Variants in MCTP1 observed in about 807,000 individuals in gnomAD.
MCTP1 encodes the protein multiple C2 and transmembrane domain-containing protein 1.
Under a neutral mutation model 120.6 loss-of-function variants are expected in MCTP1, and 69 were observed. The ratio of observed to expected loss-of-function variants is 0.57; its 90% confidence interval spans 0.47 to 0.70. The LOEUF (loss-of-function observed/expected upper bound fraction) is 0.70. Ranked by LOEUF, MCTP1 falls within the 30% of genes least tolerant of loss-of-function variation. The pLI is 0.00. For synonymous variants in MCTP1, 529 were observed against 493.1 expected (o/e 1.07, Z -0.96); for missense variants, 1,203 against 1,248.8 (o/e 0.96, Z 0.55).
chr5:95,271,854 C>T (rs971839271), intron 1 of MCTP1, among the ~76,000 whole-genome samples: 15 of 151,850 alleles, frequency 9.9e-5, no homozygotes, highest in Admixed American at 9.8e-4. Context: ...TATTCATTTC[C>T]TTTGTAGAAC....
At chr5:95,109,896 T>G (rs891309500) in intron 1 of MCTP1, among the ~76,000 whole-genome samples, 1 of 136,762 alleles carries the variant, frequency 7.3e-6, no homozygotes, top group African/African-American at 2.5e-5. Context: ...TATGCAAAAC[T>G]TTTTTTTAAA....
At chr5:95,268,075 C>A (rs1386978875) in intron 1 of MCTP1, among the ~76,000 whole-genome samples, 1 of 152,250 alleles carries the variant, frequency 6.6e-6, no homozygotes, top group African/African-American at 2.4e-5. Context: ...GACTTCTTAT[C>A]ATACAATTCA....
At chr5:95,001,148 T>C (rs970691294) in intron 2 of MCTP1, among the ~76,000 whole-genome samples, 23 of 152,358 alleles carry the variant, frequency 1.5e-4, no homozygotes, top group African/African-American at 4.8e-4. Context: ...CCTTGTGCCA[T>C]GATTGTACGT....
At chr5:95,200,047 G>C (rs181794560) in intron 1 of MCTP1, among the ~76,000 whole-genome samples, 3 of 151,934 alleles carry the variant, frequency 2.0e-5, no homozygotes, top group Non-Finnish European at 1.5e-5. Context: ...TGCAATCGCA[G>C]CTACTTGGGA....
intron 2 of MCTP1, among the ~76,000 whole-genome samples, chr5:95,001,730 G>A (rs1833737416): frequency 6.6e-6 from 1 of 152,194 alleles, no homozygotes; most frequent in African/African-American, 2.4e-5. Context: ...AGAAAGCAGA[G>A]CATAAAAGTT....
intron 1 of MCTP1, among the ~76,000 whole-genome samples, chr5:95,047,248 C>T (rs1242221030): frequency 6.6e-6 from 1 of 152,150 alleles, no homozygotes; most frequent in East Asian, 1.9e-4. Flanking sequence ...AGAGCCTCTA[C>T]CACTATGGCC....
intron 1 of MCTP1, among the ~76,000 whole-genome samples, chr5:95,150,570 A>G (rs1562185051): frequency 6.6e-6 from 1 of 152,216 alleles, no homozygotes; most frequent in Non-Finnish European, 1.5e-5. Context: ...ACAACAAAAA[A>G]TCCAGTTTAT....
chr5:95,041,773 C>T (rs1171928980), intron 1 of MCTP1, among the ~76,000 whole-genome samples: 1 of 152,080 alleles, frequency 6.6e-6, no homozygotes, highest in Non-Finnish European at 1.5e-5. Flanking sequence ...TTTCTCCATC[C>T]CAGAAGTTGT....
At chr5:95,250,066 T>C (rs1757230252) in intron 1 of MCTP1, among the ~76,000 whole-genome samples, 1 of 151,946 alleles carries the variant, frequency 6.6e-6, no homozygotes, top group Non-Finnish European at 1.5e-5. Flanking sequence ...AAATGACGAG[T>C]TGATGGGTAC....
At chr5:95,133,438 G>A (rs1397619059) in intron 1 of MCTP1, among the ~76,000 whole-genome samples, 8 of 152,210 alleles carry the variant, frequency 5.3e-5, no homozygotes, top group Admixed American at 2.0e-4. Flanking sequence ...TTGGGAGGCC[G>A]AGGTCAGGAG....
At chr5:94,784,931 A>G (rs1004082332) in intron 18 of MCTP1, 6 of 152,136 alleles carry the variant, frequency 3.9e-5, no homozygotes, top group Admixed American at 3.3e-4. Context: ...GTTGTAATTT[A>G]GTCTGATTCT....
At chr5:94,762,057 AAAG>A (rs1315305930) in intron 19 of MCTP1, among the ~76,000 whole-genome samples, 1 of 152,224 alleles carries the variant, frequency 6.6e-6, no homozygotes, top group Non-Finnish European at 1.5e-5. Context: ...GAGATTCAGG[AAAG>A]AAGTGCCCCA....
chr5:95,192,652 T>G (rs1386071023), intron 1 of MCTP1, among the ~76,000 whole-genome samples: 2 of 152,224 alleles, frequency 1.3e-5, no homozygotes, highest in East Asian at 3.9e-4. Flanking sequence ...TACTTTTATA[T>G]GTCTTGAAAA....
intron 1 of MCTP1, among the ~76,000 whole-genome samples, chr5:95,182,752 G>A (rs1210543115): frequency 1.3e-5 from 2 of 152,124 alleles, no homozygotes; most frequent in East Asian, 3.9e-4. Context: ...GGGGACTCAT[G>A]TTAACTGGCT....
intron 2 of MCTP1, 61 bp from the exon 3 acceptor site, chr5:94,953,422 C>A: frequency 1.5e-6 from 2 of 1,339,824 alleles, no homozygotes; most frequent in Non-Finnish European, 2.0e-6. Context: ...AAGAGAACCA[C>A]TCTTTTGAAA....
rs1754030534 is a variant in MCTP1 at position 94,704,123 on chromosome 5, T to A, written c.*3373A>T. 6.7e-6 allele frequency: 1 copy of A among 149,048 alleles called. No homozygotes were observed. The highest frequency in any genetic ancestry group is 1.5e-5 in the Non-Finnish European group (1 of 66,702). 9.2% of individuals were successfully genotyped at this position (149,048 alleles called of 1,614,324 possible). Reference sequence around the variant, plus strand: ...CACATTATTTTCTATGTGGTTTTAATTCATACTTTACTGAGCAATTAGAAA... The same window carrying A: ...CACATTATTTTCTATGTGGTTTTAAATCATACTTTACTGAGCAATTAGAAA... On this transcript the variant is annotated 3_prime_UTR_variant, in exon 23 of 23. Coordinates refer to ENST00000515393, the MANE Select transcript of MCTP1 (RefSeq NM_024717.7).
intron 19 of MCTP1, among the ~76,000 whole-genome samples, chr5:94,753,483 T>C (rs1721590603): frequency 6.6e-6 from 1 of 152,230 alleles, no homozygotes; most frequent in Admixed American, 6.5e-5. Context: ...AAGGTTGTTT[T>C]AGAAGTGCAA....
chr5:95,044,207 A>T (rs1842802159), intron 1 of MCTP1, among the ~76,000 whole-genome samples: 1 of 152,102 alleles, frequency 6.6e-6, no homozygotes, highest in Non-Finnish European at 1.5e-5. Context: ...ACAGAAAGGG[A>T]CTCTAGAGAG....
chr5:94,958,562 G>A (rs10463190), intron 2 of MCTP1, among the ~76,000 whole-genome samples: 57,183 of 151,754 alleles, frequency 0.38, 10,948 homozygotes, highest in Middle Eastern at 0.43. Flanking sequence ...TCAAATAGAC[G>A]CAATAAAAAA....
Sources: gnomAD v4.1 joint callset for allele counts (sites outside exome capture counted in the v4.1 genomes callset) on GRCh38, gnomAD v4.1.1 for gene constraint, MANE v1.5 for transcripts, NCBI Gene and HGNC (gene_info 2026-07-23, HGNC 2026-07-21) for gene names.